Variants in HERC2 observed in about 807,000 individuals in gnomAD.
HERC2 encodes E3 ubiquitin-protein ligase HERC2.
In HERC2, 102 loss-of-function variants were observed where a neutral mutation model predicts 537.7. The ratio of observed to expected loss-of-function variants is 0.19; its 90% CI spans 0.16 to 0.22. HERC2 has a LOEUF of 0.22. Ranked by LOEUF, HERC2 falls within the 10% of genes least tolerant of loss-of-function variation. The pLI is 1.00. For synonymous variants in HERC2, 2,224 were observed against 2,466.2 expected (o/e 0.90, Z 2.91); for missense variants, 4,236 against 6,198.2 (o/e 0.68, Z 10.63).
chr15:28,269,481 T>A lies in HERC2; in HGVS notation c.1258-45A>T, dbSNP rs1567095996. On this transcript the variant is annotated intron_variant, in intron 10 of 92. Transcript: ENST00000261609. ...ACATTTCCTTTAACAACAACAACAATAAAAAAAGGCTGGGAGTAACACTGA... is the reference window on the plus strand; with the variant it reads ...ACATTTCCTTTAACAACAACAACAAAAAAAAAAGGCTGGGAGTAACACTGA... 8 of 1,468,212 alleles carry A rather than the reference T, an allele frequency of 5.4e-6. No homozygotes were observed. The Admixed American group carries it at 5.5e-5, about 10-fold the overall frequency. The allele number at this position is 1,468,212 out of a possible 1,614,324, so 90.9% of individuals were successfully genotyped here.
chr15:28,186,083 G>T (rs1043283392), intron 56 of HERC2, among the ~76,000 whole-genome samples: 2 of 152,134 alleles, frequency 1.3e-5, no homozygotes, highest in African/African-American at 4.8e-5. Flanking sequence ...TCTAGCGATG[G>T]ACAATAGTGA....
intron 3 of HERC2, among the ~76,000 whole-genome samples, chr15:28,298,798 C>G (rs572104143): frequency 1.2e-4 from 18 of 151,750 alleles, no homozygotes; most frequent in Middle Eastern, 3.4e-3. Flanking sequence ...TCCTTCCCCC[C>G]CAAAAAAAAG....
At chr15:28,187,410 C>A (rs1896417293) in intron 55 of HERC2, among the ~76,000 whole-genome samples, 1 of 151,688 alleles carries the variant, frequency 6.6e-6, no homozygotes, top group Non-Finnish European at 1.5e-5. Context: ...TGGTTCATTG[C>A]AACCCCTGCC....
At chr15:28,197,224 A>G (rs1897426726) in intron 50 of HERC2, among the ~76,000 whole-genome samples, 1 of 152,232 alleles carries the variant, frequency 6.6e-6, no homozygotes, top group African/African-American at 2.4e-5. Context: ...AGCCTTCCAC[A>G]AGGTTCAAAC....
chr15:28,115,614 C>CTA, intron 88 of HERC2, 73 bp from the exon 89 acceptor site: 1 of 1,013,974 alleles, frequency 9.9e-7, no homozygotes, highest in Non-Finnish European at 1.5e-6. Flanking sequence ...CTCACACACG[C>CTA]CACTGACAGC....
At position 28,111,817 on chromosome 15, in the gene HERC2, C is replaced by T. The variant is rs1182048372; in HGVS notation, c.14451G>A (p.Glu4817=). ...AGTCCGAAGCAAAGGAGTCGACATC[C>T]TCGTTATCTGAATCGTCGCTGCTGT... ...ADDSSDDSDN[E]DVDSFASDST... The change falls in exon 93 of 93, where the codon GAG becomes GAA. Residue 4817 remains glutamate (E), a synonymous_variant. Transcript: ENST00000261609. The T allele has an allele frequency of 6.2e-7, 1 of 1,614,176 alleles. No homozygotes were observed. Among genetic ancestry groups the T allele is most frequent in the East Asian group, 2.2e-5 (1 of 44,872 alleles).
At position 28,301,733 on chromosome 15, in the gene HERC2, GTGTATATATATATATATA is replaced by G. The variant is rs1440360327; in HGVS notation, c.73-2235_73-2218del. 8.7e-3 allele frequency among the ~76,000 whole-genome samples: 268 copies of G among 30,896 alleles called. 5 individuals are homozygous for G. Among genetic ancestry groups the G allele is most frequent in the African/African-American group, 0.027 (256 of 9,622 alleles). The allele number at this position is 30,896 out of a possible 152,430, so 20.3% of individuals were successfully genotyped here. A position where few individuals can be genotyped will look rare whatever the true frequency, so the allele number is the denominator to read the frequency against. On this transcript the variant is annotated intron_variant, in intron 2 of 92. Coordinates refer to ENST00000261609, the MANE Select transcript of HERC2 (RefSeq NM_004667.6). ...GTGGATACACACTAGTTGTATGTAT[GTGTATATATATATATATA>G]TATATATATATATATATATATATAT...
rs753034377 is a variant in HERC2 at position 28,192,127 on chromosome 15, C to T, written c.8285G>A (p.Arg2762His). The T allele has an allele frequency of 5.6e-6, 9 of 1,613,590 alleles. No homozygotes were observed. The highest frequency in any genetic ancestry group is 2.2e-5 in the South Asian group (2 of 91,066). Residue 2762 changes from arginine (R) to histidine (H), a missense_variant, in exon 53 of 93, where the codon CGT becomes CAT. By Grantham distance (29) the Arg-to-His change is conservative. Coordinates refer to ENST00000261609, the MANE Select transcript of HERC2 (RefSeq NM_004667.6). ...GCAACGCTTCAGCTGTTTTCCAGAA[C>T]GGCCACAAAATACCGCAGACTGACC... ...EPGQSAVFCG[R>H]SGKQLKRCHS...
chr15:28,310,229 T>C (rs1357287097), intron 2 of HERC2, among the ~76,000 whole-genome samples: 1 of 152,204 alleles, frequency 6.6e-6, no homozygotes, highest in Admixed American at 6.5e-5. Context: ...GTGAATTGTT[T>C]GAGCTCAGGA....
chr15:28,300,156 T>C (rs1194945288), intron 2 of HERC2, among the ~76,000 whole-genome samples: 1 of 151,088 alleles, frequency 6.6e-6, no homozygotes, highest in Non-Finnish European at 1.5e-5. Flanking sequence ...TACCAATGAC[T>C]ACCTACGGGG....
chr15:28,264,415 G>A (rs1458579910), intron 14 of HERC2, among the ~76,000 whole-genome samples: 7 of 152,172 alleles, frequency 4.6e-5, no homozygotes, highest in African/African-American at 9.7e-5. Flanking sequence ...CACAGAGATC[G>A]GAGCATGCAT....
chr15:28,283,360 A>C (rs1364521097), intron 4 of HERC2, among the ~76,000 whole-genome samples: 1 of 152,246 alleles, frequency 6.6e-6, no homozygotes, highest in African/African-American at 2.4e-5. Context: ...AATGACAGCG[A>C]ATTTCTCATC....
chr15:28,248,752 G>A lies in HERC2; in HGVS notation c.3051-16C>T, dbSNP rs780211414. ...AGCAATGTTTCTATACAGGAAAGAAGAGGATTACAAAATTAAACAAGATAT... is the reference window on the plus strand; with the variant it reads ...AGCAATGTTTCTATACAGGAAAGAAAAGGATTACAAAATTAAACAAGATAT... On this transcript the variant is annotated splice_polypyrimidine_tract_variant and intron_variant, in intron 20 of 92. Coordinates refer to ENST00000261609, the MANE Select transcript of HERC2 (RefSeq NM_004667.6). 6.3e-7 allele frequency: 1 copy of A among 1,594,000 alleles called. No individual in the cohort carries two copies. The highest frequency in any genetic ancestry group is 8.6e-7 in the Non-Finnish European group (1 of 1,166,804).
chr15:28,183,597 G>C (rs906780078), intron 56 of HERC2, among the ~76,000 whole-genome samples: 30 of 152,152 alleles, frequency 2.0e-4, no homozygotes, highest in East Asian at 1.9e-4. Context: ...AGATTTTCTT[G>C]GCTGATGGTC....
rs1296489826 is a variant in HERC2, at chr15:28,245,915, A to T, written c.3543T>A (p.Asp1181Glu). ...CAGGCCAGGCTAACTCTTCATGATC[A>T]TCCCGTTCCTTTCCTGGTGCCAGAT... ...FNHLAPGKERDDHEELAWPGI... is the reference protein window; with the variant it reads ...FNHLAPGKEREDHEELAWPGI... Residue 1181 changes from aspartate to glutamate, a missense_variant, in exon 23 of 93, where the codon GAT becomes GAA. Physicochemically the swap from Asp to Glu is conservative, Grantham distance 45 (BLOSUM62 2). This residue lies in a region of HERC2 where 754 missense variants were observed against 1,085.0 expected (regional missense o/e 0.69). Transcript: ENST00000261609. 3.7e-6 allele frequency: 6 copies of T among 1,613,996 alleles called. No individual in the cohort carries two copies. Among genetic ancestry groups the T allele is most frequent in the Non-Finnish European group, 2.5e-6 (3 of 1,180,020 alleles).
At chr15:28,311,840 G>C (rs1279466195) in intron 2 of HERC2, among the ~76,000 whole-genome samples, 1 of 152,072 alleles carries the variant, frequency 6.6e-6, no homozygotes. Context: ...GTACAGCCTA[G>C]ATTGAGAAAC....
chr15:28,228,022 CAGT>C (rs1211266619), intron 35 of HERC2, among the ~76,000 whole-genome samples, 193 bp downstream of exon 35: 1 of 151,460 alleles, frequency 6.6e-6, no homozygotes, highest in Non-Finnish European at 1.5e-5. Flanking sequence ...TACAACTAGA[CAGT>C]GGTGATGACT....
At chr15:28,319,432 T>G (rs1181313348) in intron 2 of HERC2, among the ~76,000 whole-genome samples, 2 of 151,202 alleles carry the variant, frequency 1.3e-5, no homozygotes. Context: ...AATACAAAAA[T>G]TAGTCGGGCA....
At chr15:28,148,876 C>T (rs758946657) in intron 70 of HERC2, among the ~76,000 whole-genome samples, 1 of 150,888 alleles carries the variant, frequency 6.6e-6, no homozygotes, top group African/African-American at 2.4e-5. Flanking sequence ...TGAGAACGGC[C>T]ACACAAACGT....
Sources: gnomAD v4.1 joint callset for allele counts (sites outside exome capture counted in the v4.1 genomes callset) on GRCh38, gnomAD v4.1.1 for gene constraint, gnomAD v4.1.1 regional missense constraint, MANE v1.5 for transcripts, NCBI Gene and HGNC (gene_info 2026-07-23, HGNC 2026-07-21) for gene names.